Variants in PSTPIP2 observed in about 807,000 individuals in gnomAD.
PSTPIP2 encodes proline-serine-threonine phosphatase interacting protein 2.
A neutral mutation model predicts 63.3 loss-of-function variants in PSTPIP2; 33 were observed. The ratio of observed to expected loss-of-function variants is 0.52; its 90% CI spans 0.40 to 0.70. The LOEUF (loss-of-function observed/expected upper bound fraction) is 0.70, where lower values mean the gene tolerates loss of function less well. PSTPIP2 is among the 30% of genes least tolerant of loss of function. The pLI, the probability that PSTPIP2 is intolerant of heterozygous loss-of-function variation, is 0.00. For missense variants in PSTPIP2, 312 were observed against 400.7 expected, an observed-to-expected ratio of 0.78 and a Z score of 1.89; for synonymous variants, 125 against 132.7, an observed-to-expected ratio of 0.94 and a Z score of 0.40.
intron 1 of PSTPIP2, 96 bp from the exon 2 acceptor site, chr18:46,040,143 G>A: frequency 1.0e-6 from 1 of 995,288 alleles, no homozygotes; most frequent in Non-Finnish European, 1.5e-6. Context: ...GCTGGCCACG[G>A]AACGTTGCTG....
intron 1 of PSTPIP2, among the ~76,000 whole-genome samples, chr18:46,052,039 C>G (rs1908600287): frequency 6.6e-6 from 1 of 152,208 alleles, no homozygotes; most frequent in African/African-American, 2.4e-5. Flanking sequence ...CAGGCAACTG[C>G]CAGGAAGTGG....
rs2144057886 is a variant in PSTPIP2, at chr18:45,990,618, CAG to C, written c.955+102_955+103del. 3 of 973,644 alleles carry C rather than the reference CAG, an allele frequency of 3.1e-6. No individual in the cohort carries two copies. In the East Asian group the frequency reaches 7.7e-5, roughly 25 times the overall value. 60.3% of individuals were successfully genotyped at this position (973,644 alleles called of 1,614,324 possible). A position where few individuals can be genotyped will look rare whatever the true frequency, so the allele number is the denominator to read the frequency against. ...CTAATTTTTGTATTTTTAGTGGAGA[CAG>C]GGTTTCACCATGTTGACCAGGCTGG... On this transcript the variant is annotated intron_variant, in intron 13 of 14. Transcript: ENST00000409746.
At chr18:46,052,183 T>C (rs572860159) in intron 1 of PSTPIP2, among the ~76,000 whole-genome samples, 1 of 152,336 alleles carries the variant, frequency 6.6e-6, no homozygotes, top group Non-Finnish European at 1.5e-5. Flanking sequence ...AAAGCAAATA[T>C]AGAACTAGGA....
chr18:45,983,712 G>A lies in PSTPIP2; in HGVS notation c.*1747C>T, dbSNP rs1337591948. The A allele has an allele frequency of 3.9e-5, 6 of 152,174 alleles. No homozygotes were observed. Among genetic ancestry groups the A allele is most frequent in the African/African-American group, 1.4e-4 (6 of 41,430 alleles). 9.4% of individuals were successfully genotyped at this position (152,174 alleles called of 1,614,324 possible). On this transcript the variant is annotated 3_prime_UTR_variant, in exon 15 of 15. Coordinates refer to ENST00000409746, the MANE Select transcript of PSTPIP2 (RefSeq NM_024430.4). The stretch of plus-strand genomic sequence containing the variant: ...ATACTTAAAATAGAATGTTCTGAGT[G>A]TAAAGGAACATTTCCTGAGCCCGTT...
chr18:46,038,461 T>C (rs1380484852), intron 2 of PSTPIP2, among the ~76,000 whole-genome samples: 1 of 152,122 alleles, frequency 6.6e-6, no homozygotes, highest in Non-Finnish European at 1.5e-5. Flanking sequence ...GGCCATTTCA[T>C]TCCCAGGAGG....
intron 1 of PSTPIP2, among the ~76,000 whole-genome samples, chr18:46,041,586 T>A (rs1293043266): frequency 6.6e-6 from 1 of 152,102 alleles, no homozygotes; most frequent in East Asian, 1.9e-4. Flanking sequence ...TACTGTGCTC[T>A]CCAAGGTTGG....
At chr18:46,054,332 G>A (rs555147438) in intron 1 of PSTPIP2, among the ~76,000 whole-genome samples, 1 of 152,242 alleles carries the variant, frequency 6.6e-6, no homozygotes, top group South Asian at 2.1e-4. Flanking sequence ...AAAGATCATT[G>A]GTTGCCAGGG....
At chr18:46,067,966 C>T (rs1178231965) in intron 1 of PSTPIP2, among the ~76,000 whole-genome samples, 3 of 152,066 alleles carry the variant, frequency 2.0e-5, no homozygotes, top group African/African-American at 7.2e-5. Flanking sequence ...AGCAGGGAGA[C>T]TCTGTGGTGT....
intron 1 of PSTPIP2, among the ~76,000 whole-genome samples, chr18:46,069,194 G>C (rs542713696): frequency 6.6e-6 from 1 of 152,118 alleles, no homozygotes; most frequent in Non-Finnish European, 1.5e-5. Flanking sequence ...CTTCCAAAAC[G>C]GGTCCCACTG....
At position 45,984,166 on chromosome 18, in the gene PSTPIP2, TGAG is replaced by T. The variant is rs988080217; in HGVS notation, c.*1290_*1292del. ...CTGTCTCAAAAAAAAGAAAAAAAGA[TGAG>T]GAAATAATCAATCTTCTTCTGATCA... On this transcript the variant is annotated 3_prime_UTR_variant, in exon 15 of 15. Transcript: ENST00000409746. The T allele has an allele frequency of 6.6e-6, 1 of 151,794 alleles. No homozygotes were observed. Among genetic ancestry groups the T allele is most frequent in the Non-Finnish European group, 1.5e-5 (1 of 67,888 alleles). The allele number at this position is 151,794 out of a possible 1,614,324, so 9.4% of individuals were successfully genotyped here.
At chr18:46,029,032 C>A in intron 2 of PSTPIP2, 2 of 810,592 alleles carry the variant, frequency 2.5e-6, no homozygotes, top group South Asian at 2.7e-5. Flanking sequence ...TAACCTATAT[C>A]ACTATTTCAG....
At chr18:46,038,748 G>A (rs1439735985) in intron 2 of PSTPIP2, among the ~76,000 whole-genome samples, 2 of 152,186 alleles carry the variant, frequency 1.3e-5, no homozygotes, top group African/African-American at 4.8e-5. Context: ...TGGTTCACCC[G>A]TCCTCAGGCC....
intron 5 of PSTPIP2, among the ~76,000 whole-genome samples, chr18:46,008,142 A>G (rs2051751155): frequency 6.6e-6 from 1 of 152,118 alleles, no homozygotes; most frequent in Admixed American, 6.6e-5. Flanking sequence ...TACTGATAAC[A>G]CAAAGGAATG....
At chr18:46,043,321 ATCGAG>A (rs1319625657) in intron 1 of PSTPIP2, among the ~76,000 whole-genome samples, 2 of 150,818 alleles carry the variant, frequency 1.3e-5, no homozygotes. Context: ...AGCCTGGGAG[ATCGAG>A]GCTGCAGTGA....
chr18:46,053,664 T>C (rs1908654540), intron 1 of PSTPIP2, among the ~76,000 whole-genome samples: 1 of 152,130 alleles, frequency 6.6e-6, no homozygotes. Context: ...CCACACAAAC[T>C]TGCACACAAA....
At chr18:46,052,282 G>A (rs1408980928) in intron 1 of PSTPIP2, among the ~76,000 whole-genome samples, 2 of 152,168 alleles carry the variant, frequency 1.3e-5, no homozygotes, top group Non-Finnish European at 2.9e-5. Flanking sequence ...CAAGTACAAC[G>A]TTTAGGCCCA....
chr18:45,993,086 C>A (rs1234624262), intron 10 of PSTPIP2, among the ~76,000 whole-genome samples: 1 of 152,062 alleles, frequency 6.6e-6, no homozygotes, highest in African/African-American at 2.4e-5. Context: ...AGGACAAAAG[C>A]CTTGGCTGAA....
chr18:45,988,259 C>A (rs548170800), intron 14 of PSTPIP2, among the ~76,000 whole-genome samples: 92 of 151,636 alleles, frequency 6.1e-4, no homozygotes, highest in Middle Eastern at 6.8e-3. Context: ...TGGTGAAGCC[C>A]TGTTTCTACT....
At chr18:46,025,287 T>A (rs1907536298) in intron 2 of PSTPIP2, among the ~76,000 whole-genome samples, 1 of 152,156 alleles carries the variant, frequency 6.6e-6, no homozygotes, top group Non-Finnish European at 1.5e-5. Context: ...CCTACTTTTT[T>A]CTTCAGATTT....
Sources: allele counts gnomAD v4.1 joint callset (sites outside exome capture counted in the v4.1 genomes callset), GRCh38; gene constraint gnomAD v4.1.1; transcripts MANE v1.5; gene names NCBI Gene and HGNC (gene_info 2026-07-23, HGNC 2026-07-21).